The following DSG3 variants were observed in gnomAD, a reference collection of about 807,000 sequenced individuals.
DSG3 encodes desmoglein-3.
DSG3 carries 63 observed loss-of-function variants against 85.9 expected under a neutral mutation model. The observed-to-expected ratio is 0.73, with a 90% CI of 0.60 to 0.90. DSG3 has a LOEUF of 0.90. Ranked by LOEUF, DSG3 falls within the 40% of genes least tolerant of loss-of-function variation. The pLI is 0.00. For missense variants in DSG3, 1,220 were observed against 1,219.9 expected (o/e 1.00, Z 0.00); for synonymous variants, 447 against 441.9 (o/e 1.01, Z -0.14).
At position 31,462,509 on chromosome 18, in the gene DSG3, G is replaced by A. The variant is rs184277211; in HGVS notation, c.999+1097G>A. ...AGTCCTTTGTTACTGTACTCTTTGG[G>A]ACAAGTGCCACAGCCATCCCCACTT... is the stretch of plus-strand genomic sequence containing the variant. On this transcript the variant is annotated intron_variant, in intron 8 of 15. Transcript: ENST00000257189. Among the ~76,000 whole-genome samples, 513 of 152,248 alleles carry A rather than the reference G, an allele frequency of 3.4e-3. 4 individuals are homozygous for A. Among genetic ancestry groups the A allele is most frequent in the African/African-American group, 0.012 (498 of 41,542 alleles).
Position 31,458,443 on chromosome 18 carries a change from A to G in DSG3, c.217-2A>G, listed in dbSNP as rs1051493531. On this transcript the variant is annotated splice_acceptor_variant, in intron 3 of 15. Transcript: ENST00000257189. LOFTEE classifies it high-confidence loss of function. ...CAACGTTTTTGGTATTTGGGGCTGT[A>G]GATTACTTCAGATTACCAAGCAACC... 6.2e-7 allele frequency: 1 copy of G among 1,613,502 alleles called. No homozygotes were observed. The highest frequency in any genetic ancestry group is 1.3e-5 in the African/African-American group (1 of 75,038).
chr18:31,467,867 C>T (rs1468816287), intron 11 of DSG3, among the ~76,000 whole-genome samples: 4 of 152,164 alleles, frequency 2.6e-5, no homozygotes, highest in Admixed American at 2.6e-4. Flanking sequence ...TTCCTTGGGC[C>T]CTCACACTTC....
chr18:31,463,472 C>G (rs1166272083), intron 8 of DSG3, among the ~76,000 whole-genome samples: 1 of 152,114 alleles, frequency 6.6e-6, no homozygotes, highest in African/African-American at 2.4e-5. Flanking sequence ...AAAAGTTATC[C>G]TGGGATTCCT....
At chr18:31,453,427 G>A (rs2072723220) in intron 1 of DSG3, among the ~76,000 whole-genome samples, 1 of 152,058 alleles carries the variant, frequency 6.6e-6, no homozygotes, top group South Asian at 2.1e-4. Context: ...CTAAAGAGCA[G>A]GTGCTATTAT....
In DSG3 at chr18:31,476,057, G is replaced by A; in HGVS notation, c.2797G>A (p.Val933Ile). 1 of 1,614,194 alleles carries A rather than the reference G, an allele frequency of 6.2e-7. No homozygotes were observed. The highest frequency in any genetic ancestry group is 8.5e-7 in the Non-Finnish European group (1 of 1,180,036). Residue 933 changes from valine (V) to isoleucine (I), a missense_variant, in exon 16 of 16, where the codon GTA becomes ATA. Coordinates refer to ENST00000257189, the MANE Select transcript of DSG3 (RefSeq NM_001944.3). ...PDPLQHGNYL[V>I]TETYSASGSL... ...CCCTCTGCAGCATGGTAACTATTTA[G>A]TAACGGAGACTTACTCGGCTTCTGG...
chr18:31,448,539 C>T (rs943593737), intron 1 of DSG3, among the ~76,000 whole-genome samples: 2 of 151,532 alleles, frequency 1.3e-5, no homozygotes, highest in Non-Finnish European at 2.9e-5. Flanking sequence ...AAAAGTAATA[C>T]TTCTGTTGAT....
In DSG3 at chr18:31,457,249, A is replaced by G. The variant is rs1195297899; in HGVS notation, c.216+125A>G. On this transcript the variant is annotated intron_variant, in intron 3 of 15. Coordinates refer to ENST00000257189, the MANE Select transcript of DSG3 (RefSeq NM_001944.3). ...GAGTCCACAGAACAAGTGAACTGGT[A>G]TCCTCAACAAAATAGTACAATAATA... is the stretch of plus-strand genomic sequence containing the variant. 1.3e-5 allele frequency: 10 copies of G among 755,580 alleles called. No individual in the cohort carries two copies. In the East Asian group the frequency reaches 3.0e-4, roughly 22 times the overall value. The allele number at this position is 755,580 out of a possible 1,614,324, so 46.8% of individuals were successfully genotyped here. A position where few individuals can be genotyped will look rare whatever the true frequency, so the allele number is the denominator to read the frequency against.
Position 31,463,950 on chromosome 18 carries a change from G to C in DSG3, c.1000-161G>C, listed in dbSNP as rs2072801001. On this transcript the variant is annotated intron_variant, in intron 8 of 15. Coordinates refer to ENST00000257189, the MANE Select transcript of DSG3 (RefSeq NM_001944.3). ...GGTCTCATGAGTTAAGAATCCTAAA[G>C]CTTTCTCTGTCTCAACATTACAATA... is the stretch of plus-strand genomic sequence containing the variant. Among the ~76,000 whole-genome samples the C allele has an allele frequency of 2.0e-5, 3 of 152,110 alleles. No individual in the cohort carries two copies. In the South Asian group the frequency reaches 6.2e-4, roughly 32 times the overall value.
chr18:31,457,188 A>C (rs1568086231), intron 3 of DSG3, 64 bp downstream of exon 3: 2 of 1,504,354 alleles, frequency 1.3e-6, no homozygotes, highest in Non-Finnish European at 1.8e-6. Context: ...AAATTAAAAT[A>C]ATACGGCAAT....
In DSG3 at chr18:31,467,494, T is replaced by C. The variant is rs1308655888; in HGVS notation, c.1636+740T>C. On this transcript the variant is annotated intron_variant, in intron 11 of 15. Transcript: ENST00000257189. ...GGCTCACAGGGAGTGCCGCTTACAC[T>C]ATCACTAGTCAGGAACATTGAGAGC... 2.0e-5 allele frequency among the ~76,000 whole-genome samples: 3 copies of C among 152,348 alleles called. No individual in the cohort carries two copies. In the South Asian group the frequency reaches 6.2e-4, roughly 32 times the overall value.
chr18:31,454,763 G>A (rs1047184708), intron 1 of DSG3, among the ~76,000 whole-genome samples: 2 of 151,556 alleles, frequency 1.3e-5, no homozygotes, highest in East Asian at 3.9e-4. Context: ...GGGAGGCCAA[G>A]GCGGGTGGAT....
chr18:31,477,179 AG>A lies in DSG3; in HGVS notation c.*920del, dbSNP rs2072894657. On this transcript the variant is annotated 3_prime_UTR_variant, in exon 16 of 16. Coordinates refer to ENST00000257189, the MANE Select transcript of DSG3 (RefSeq NM_001944.3). Reference sequence around the variant, plus strand: ...TCTCACAATAAGAGAATTTTGAAATAGAAATATCATAGAACATTTAAGAAAG... The same window carrying A: ...TCTCACAATAAGAGAATTTTGAAATAAAATATCATAGAACATTTAAGAAAG... 1 of 151,794 alleles carries A rather than the reference AG, an allele frequency of 6.6e-6. No individual in the cohort carries two copies. Among genetic ancestry groups the A allele is most frequent in the South Asian group, 2.1e-4 (1 of 4,832 alleles). 9.4% of individuals were successfully genotyped at this position (151,794 alleles called of 1,614,324 possible).
intron 8 of DSG3, among the ~76,000 whole-genome samples, chr18:31,462,958 C>A (rs1356720301): frequency 6.6e-6 from 1 of 152,142 alleles, no homozygotes; most frequent in Non-Finnish European, 1.5e-5. Flanking sequence ...TGCAACTTTC[C>A]CTTGACAGTA....
In DSG3 at chr18:31,477,767, C is replaced by T. The variant is rs1424454887; in HGVS notation, c.*1507C>T. 2.0e-5 allele frequency: 3 copies of T among 152,180 alleles called. No individual in the cohort carries two copies. Among genetic ancestry groups the T allele is most frequent in the Non-Finnish European group, 4.4e-5 (3 of 68,024 alleles). The allele number at this position is 152,180 out of a possible 1,614,324, so 9.4% of individuals were successfully genotyped here. A position where few individuals can be genotyped will look rare whatever the true frequency, so the allele number is the denominator to read the frequency against. On this transcript the variant is annotated 3_prime_UTR_variant, in exon 16 of 16. Transcript: ENST00000257189. ...CATTCAAGATATTCACCCTTTTGCCCATAGAAAGCACCCTACCTCACCTGC... is the reference window on the plus strand; with the variant it reads ...CATTCAAGATATTCACCCTTTTGCCTATAGAAAGCACCCTACCTCACCTGC...
At chr18:31,470,830 T>C (rs531828379) in intron 12 of DSG3, among the ~76,000 whole-genome samples, 1 of 152,198 alleles carries the variant, frequency 6.6e-6, no homozygotes, top group African/African-American at 2.4e-5. Context: ...GTATTTTCTG[T>C]TTTAGGAATC....
chr18:31,459,003 T>C (rs2072766596), intron 4 of DSG3, 30 bp from the exon 5 acceptor site: 4 of 1,610,590 alleles, frequency 2.5e-6, no homozygotes, highest in Non-Finnish European at 3.4e-6. Context: ...GATTGCAGAG[T>C]AATACTCCAC....
rs1012912269 is a variant in DSG3 at position 31,477,614 on chromosome 18, G to A, written c.*1354G>A. On this transcript the variant is annotated 3_prime_UTR_variant, in exon 16 of 16. Coordinates refer to ENST00000257189, the MANE Select transcript of DSG3 (RefSeq NM_001944.3). The stretch of plus-strand genomic sequence containing the variant: ...TTAAGCCTTGCTTTTAAATTAAACA[G>A]CTACAGCCATTTAAGCCTTGAGGAT... 9 of 152,186 alleles carry A rather than the reference G, an allele frequency of 5.9e-5. No homozygotes were observed. Among genetic ancestry groups the A allele is most frequent in the African/African-American group, 2.2e-4 (9 of 41,448 alleles). The allele number at this position is 152,186 out of a possible 1,614,324, so 9.4% of individuals were successfully genotyped here. A position where few individuals can be genotyped will look rare whatever the true frequency, so the allele number is the denominator to read the frequency against.
At chr18:31,466,483 A>G (rs749921333) in intron 10 of DSG3, 47 bp from the exon 11 acceptor site, 6 of 1,540,076 alleles carry the variant, frequency 3.9e-6, no homozygotes, top group Non-Finnish European at 8.9e-7. Context: ...TTTTTTGTAC[A>G]ACTTTGTTCT....
At chr18:31,457,688 C>T (rs923566604) in intron 3 of DSG3, among the ~76,000 whole-genome samples, 4 of 150,712 alleles carry the variant, frequency 2.7e-5, no homozygotes, top group Non-Finnish European at 5.9e-5. Flanking sequence ...AGTGCTGTGG[C>T]GCGATCTCAG....
Sources: allele counts gnomAD v4.1 joint callset (sites outside exome capture counted in the v4.1 genomes callset), GRCh38; gene constraint gnomAD v4.1.1; transcripts MANE v1.5; gene names NCBI Gene and HGNC (gene_info 2026-07-23, HGNC 2026-07-21).